Variants in TEAD1 observed in about 807,000 individuals in gnomAD.
The protein encoded by TEAD1 is TEA domain transcription factor 1.
A neutral mutation model predicts 54.9 loss-of-function variants in TEAD1; 9 were observed. The ratio of observed to expected loss-of-function variants is 0.16; its 90% CI spans 0.10 to 0.29. The LOEUF is 0.29. Among genes scored for constraint, TEAD1 ranks in the 10% least tolerant of loss-of-function variants. The pLI, the probability that TEAD1 is intolerant of heterozygous loss-of-function variation, is 1.00. For missense variants in TEAD1, 387 were observed against 535.9 expected (o/e 0.72, Z 2.74); for synonymous variants, 200 against 187.8 (o/e 1.07, Z -0.53).
intron 9 of TEAD1, among the ~76,000 whole-genome samples, chr11:12,883,972 C>T (rs746203991): frequency 4.1e-5 from 6 of 144,860 alleles, no homozygotes; most frequent in East Asian, 2.1e-4. Context: ...TCCAGCCTGG[C>T]GACAGAGCGA....
chr11:12,723,863 T>C (rs960905617), intron 2 of TEAD1, among the ~76,000 whole-genome samples: 1 of 152,214 alleles, frequency 6.6e-6, no homozygotes. Flanking sequence ...TAATCTTGGC[T>C]TGTGGTGCAA....
At chr11:12,858,758 C>G (rs1947441593) in intron 3 of TEAD1, among the ~76,000 whole-genome samples, 1 of 152,180 alleles carries the variant, frequency 6.6e-6, no homozygotes, top group Admixed American at 6.5e-5. Flanking sequence ...GGCCACAGTA[C>G]TCAGTAAGGA....
At chr11:12,866,974 G>A (rs1485831562) in intron 5 of TEAD1, among the ~76,000 whole-genome samples, 1 of 152,122 alleles carries the variant, frequency 6.6e-6, no homozygotes, top group Non-Finnish European at 1.5e-5. Flanking sequence ...GCTTCGTGGA[G>A]AGTATACTGT....
At chr11:12,860,823 C>T (rs1947484256) in intron 3 of TEAD1, among the ~76,000 whole-genome samples, 6 of 152,202 alleles carry the variant, frequency 3.9e-5, no homozygotes, top group Admixed American at 3.9e-4. Context: ...GGAAGAAGTA[C>T]AGTTTTTGCC....
intron 12 of TEAD1, among the ~76,000 whole-genome samples, chr11:12,935,256 G>A (rs148462826): frequency 2.0e-4 from 30 of 152,244 alleles, no homozygotes; most frequent in African/African-American, 6.7e-4. Flanking sequence ...AGCTCTCTGC[G>A]TGGTGAATAT....
intron 2 of TEAD1, among the ~76,000 whole-genome samples, chr11:12,741,075 T>C (rs1021814173): frequency 2.0e-5 from 3 of 152,176 alleles, no homozygotes; most frequent in African/African-American, 7.2e-5. Context: ...AGTAACTATT[T>C]CCTTTTTATT....
intron 3 of TEAD1, among the ~76,000 whole-genome samples, chr11:12,798,530 C>T (rs1312390755): frequency 6.6e-6 from 1 of 152,172 alleles, no homozygotes; most frequent in Non-Finnish European, 1.5e-5. Flanking sequence ...CAAGGCACTC[C>T]TCTGCACCCA....
chr11:12,745,669 A>G (rs1243500139), intron 2 of TEAD1, among the ~76,000 whole-genome samples: 1 of 144,264 alleles, frequency 6.9e-6, no homozygotes, highest in Non-Finnish European at 1.5e-5. Context: ...CAACCCTGAT[A>G]TTGTAAAATG....
intron 3 of TEAD1, among the ~76,000 whole-genome samples, chr11:12,855,796 AG>A (rs1947364312): frequency 2.0e-5 from 3 of 151,840 alleles, no homozygotes; most frequent in Non-Finnish European, 4.4e-5. Context: ...AAAAAATTTA[AG>A]AATTAGCCAG....
At chr11:12,754,707 C>A (rs913450706) in intron 2 of TEAD1, among the ~76,000 whole-genome samples, 3 of 152,144 alleles carry the variant, frequency 2.0e-5, no homozygotes, top group Non-Finnish European at 4.4e-5. Flanking sequence ...ATGTCAGGAG[C>A]TGTGGTTGAA....
At chr11:12,854,389 CTCTG>C (rs1407103081) in intron 3 of TEAD1, among the ~76,000 whole-genome samples, 5 of 152,162 alleles carry the variant, frequency 3.3e-5, no homozygotes, top group Non-Finnish European at 2.9e-5. Flanking sequence ...CTGTGGACTT[CTCTG>C]TCTGGTAGTA....
At chr11:12,684,642 G>T (rs2133815745) in intron 2 of TEAD1, among the ~76,000 whole-genome samples, 1 of 152,260 alleles carries the variant, frequency 6.6e-6, no homozygotes, top group South Asian at 2.1e-4. Context: ...AAATGGGGAT[G>T]ATGTTATCTA....
In TEAD1 at chr11:12,943,987, C is replaced by G. The variant is rs1361431009; in HGVS notation, c.*6765C>G. 1.3e-5 allele frequency: 2 copies of G among 152,422 alleles called. No homozygotes were observed. The highest frequency in any genetic ancestry group is 2.9e-5 in the Non-Finnish European group (2 of 68,012). The allele number at this position is 152,422 out of a possible 1,614,324, so 9.4% of individuals were successfully genotyped here. A position where few individuals can be genotyped will look rare whatever the true frequency, so the allele number is the denominator to read the frequency against. ...ACATTTAAAAAAGAAACCTGAATAG[C>G]CTTTAATTCTTTAATAATACACTTA... is the stretch of plus-strand genomic sequence containing the variant. On this transcript the variant is annotated 3_prime_UTR_variant, in exon 13 of 13. Transcript: ENST00000527636.
At chr11:12,807,870 T>C (rs1590170972) in intron 3 of TEAD1, among the ~76,000 whole-genome samples, 1 of 152,210 alleles carries the variant, frequency 6.6e-6, no homozygotes, top group South Asian at 2.1e-4. Flanking sequence ...GTGGTTGCTG[T>C]GTCCCCGCCT....
chr11:12,825,406 T>G (rs1359634586), intron 3 of TEAD1, among the ~76,000 whole-genome samples: 1 of 152,192 alleles, frequency 6.6e-6, no homozygotes, highest in African/African-American at 2.4e-5. Context: ...GATAAAAGAT[T>G]AGTATACAAA....
At chr11:12,788,413 T>TGAGCCAC (rs1422417934) in intron 3 of TEAD1, among the ~76,000 whole-genome samples, 1 of 152,128 alleles carries the variant, frequency 6.6e-6, no homozygotes, top group Non-Finnish European at 1.5e-5. Context: ...ATTACAGGCA[T>TGAGCCAC]GAGCCACCGT....
intron 3 of TEAD1, among the ~76,000 whole-genome samples, chr11:12,821,224 T>C (rs144393776): frequency 1.6e-3 from 251 of 152,322 alleles, no homozygotes; most frequent in African/African-American, 5.6e-3. Context: ...GAGATGCTCC[T>C]TTAGTAGCAC....
intron 6 of TEAD1, among the ~76,000 whole-genome samples, chr11:12,880,150 C>A (rs1206171906): frequency 6.6e-6 from 1 of 152,114 alleles, no homozygotes; most frequent in Non-Finnish European, 1.5e-5. Flanking sequence ...ATTAAATGTG[C>A]CTTTCTGGGT....
In TEAD1 at chr11:12,864,817, C is replaced by T. The variant is rs775623851; in HGVS notation, c.268-21C>T. 4.3e-6 allele frequency: 7 copies of T among 1,613,832 alleles called. No individual in the cohort carries two copies. In the East Asian group the frequency reaches 1.1e-4, roughly 26 times the overall value. On this transcript the variant is annotated intron_variant, in intron 4 of 12. Transcript: ENST00000527636. ...GGTTACAGGCTTTTCCTTTGTTTTC[C>T]TCCCTTCCCCTACCCTGCAGGTGTC...
Sources: allele counts gnomAD v4.1 joint callset (sites outside exome capture counted in the v4.1 genomes callset), GRCh38; gene constraint gnomAD v4.1.1; transcripts MANE v1.5; gene names NCBI Gene and HGNC (gene_info 2026-07-23, HGNC 2026-07-21).